FKBP9: variants seen among roughly 807,000 people sequenced by gnomAD.
FKBP9 encodes the protein FKBP prolyl isomerase 9.
A neutral mutation model predicts 55.6 loss-of-function variants in FKBP9; 27 were observed. That is an observed-to-expected ratio of 0.49 (90% CI 0.36 to 0.67). FKBP9 has a LOEUF of 0.67. FKBP9 is among the 30% of genes least tolerant of loss of function. FKBP9 has a pLI of 0.00. For synonymous variants in FKBP9, 267 were observed against 296.5 expected (o/e 0.90, Z 1.02); for missense variants, 539 against 742.8 (o/e 0.73, Z 3.19).
At chr7:32,988,681 A>G (rs1368538111) in intron 6 of FKBP9, 29 bp downstream of exon 6, 3 of 1,610,748 alleles carry the variant, frequency 1.9e-6, no homozygotes, top group Non-Finnish European at 2.5e-6. Flanking sequence ...TGCCTTCCTC[A>G]CTAGCTGTGG....
At chr7:32,958,477 T>G (rs756238479) in intron 1 of FKBP9, among the ~76,000 whole-genome samples, 2 of 152,230 alleles carry the variant, frequency 1.3e-5, no homozygotes, top group Non-Finnish European at 2.9e-5. Context: ...CAACTACCAC[T>G]GCCCTTCCTT....
intron 9 of FKBP9, among the ~76,000 whole-genome samples, chr7:33,004,306 G>A (rs188755632): frequency 7.0e-4 from 107 of 152,174 alleles, no homozygotes; most frequent in Middle Eastern, 6.8e-3. Flanking sequence ...ACCCGCAGAG[G>A]CCCCTGTCTA....
intron 7 of FKBP9, among the ~76,000 whole-genome samples, chr7:32,996,697 T>A (rs1397313538): frequency 7.2e-6 from 1 of 138,838 alleles, no homozygotes; most frequent in East Asian, 2.3e-4. Context: ...CTTTCCTTTC[T>A]TTCTCTTTCT....
chr7:32,992,592 A>T (rs1784707134), intron 6 of FKBP9: 1 of 180,246 alleles, frequency 5.5e-6, no homozygotes, highest in South Asian at 2.0e-4. Flanking sequence ...GTCAGCACTC[A>T]TTTCTATACT....
intron 5 of FKBP9, among the ~76,000 whole-genome samples, chr7:32,985,389 C>A (rs932219602): frequency 6.6e-6 from 1 of 151,500 alleles, no homozygotes; most frequent in Admixed American, 6.6e-5. Context: ...CATGTTGGGC[C>A]GGGCTGGTCA....
In FKBP9 at chr7:32,988,520, C is replaced by T. The variant is rs554473255; in HGVS notation, c.907C>T (p.Arg303Cys). The T allele has an allele frequency of 3.3e-5, 53 of 1,613,854 alleles. No homozygotes were observed. The East Asian group carries it at 6.2e-4, about 19-fold the overall frequency. ...TLFDSSYSRN[R>C]TFDTYIGQGY... ...CTTCTTTTCTAGCTACTCTCGGAAC[C>T]GCACGTTTGACACGTACATTGGGCA... The change falls in exon 6 of 10, where the codon CGC becomes TGC. Residue 303 changes from arginine to cysteine, a missense_variant. Physicochemically the swap from Arg to Cys is radical, Grantham distance 180. This residue lies in a region of FKBP9 where 172 missense variants were observed against 205.3 expected (regional missense o/e 0.84). Coordinates refer to ENST00000242209, the MANE Select transcript of FKBP9 (RefSeq NM_007270.5).
At chr7:32,990,397 T>TA (rs1784657521) in intron 6 of FKBP9, among the ~76,000 whole-genome samples, 2 of 152,206 alleles carry the variant, frequency 1.3e-5, no homozygotes, top group Non-Finnish European at 2.9e-5. Flanking sequence ...AACATATCCC[T>TA]AACAATACCT....
rs528279187 is a variant in FKBP9, at chr7:32,967,386, CCTT to C, written c.222-7226_222-7224del. 3.9e-5 allele frequency among the ~76,000 whole-genome samples: 6 copies of C among 152,332 alleles called. No individual in the cohort carries two copies. In the South Asian group the frequency reaches 1.2e-3, roughly 32 times the overall value. On this transcript the variant is annotated intron_variant, in intron 1 of 9. Transcript: ENST00000242209. ...CACTGAACAACTTCTCTGCATTTTT[CCTT>C]CTTCCTTGTCCGCTGATAACAACAT...
chr7:32,972,717 T>C (rs1284445494), intron 1 of FKBP9, among the ~76,000 whole-genome samples: 4 of 152,064 alleles, frequency 2.6e-5, no homozygotes, highest in African/African-American at 2.4e-5. Context: ...TGTTAACCTG[T>C]TCCCCCCCCA....
rs1237150105 is a variant in FKBP9 at position 33,006,612 on chromosome 7, C to G, written c.*1261C>G. On this transcript the variant is annotated 3_prime_UTR_variant, in exon 10 of 10. Transcript: ENST00000242209. ...TCAACAAGGTGACATTTTTCTGCTGCCCATTTGTGTCCTGGAGACGGTGGT... is the reference window on the plus strand; with the variant it reads ...TCAACAAGGTGACATTTTTCTGCTGGCCATTTGTGTCCTGGAGACGGTGGT... 1.4e-5 allele frequency: 3 copies of G among 211,582 alleles called. No individual in the cohort carries two copies. In the Admixed American group the frequency reaches 1.8e-4, roughly 12 times the overall value. 13.1% of individuals were successfully genotyped at this position (211,582 alleles called of 1,614,324 possible).
chr7:33,003,685 G>T (rs193103452), intron 9 of FKBP9, among the ~76,000 whole-genome samples: 40 of 152,248 alleles, frequency 2.6e-4, no homozygotes, highest in African/African-American at 9.6e-4. Flanking sequence ...CCTACAGGAC[G>T]CATCTTTCTC....
rs4720090 is a variant in FKBP9, at chr7:32,974,314, G to T, written c.222-303G>T. 0.22 allele frequency among the ~76,000 whole-genome samples: 33,318 copies of T among 151,400 alleles called. 3,864 individuals are homozygous for T. Among genetic ancestry groups the T allele is most frequent in the Admixed American group, 0.35 (5,267 of 15,192 alleles). ...GACCACAGCCAACTCTTTCTTTTTTGTGTGTGTGAAAGAATAGGTAACTAT... is the reference window on the plus strand; with the variant it reads ...GACCACAGCCAACTCTTTCTTTTTTTTGTGTGTGAAAGAATAGGTAACTAT... On this transcript the variant is annotated intron_variant, in intron 1 of 9. Coordinates refer to ENST00000242209, the MANE Select transcript of FKBP9 (RefSeq NM_007270.5).
At chr7:32,958,034 T>A (rs115588686) in intron 1 of FKBP9, among the ~76,000 whole-genome samples, 2,767 of 152,198 alleles carry the variant, frequency 0.018, 86 homozygotes, top group African/African-American at 0.063. Flanking sequence ...AGCAGCGGGG[T>A]TGGGGCAGAC....
intron 5 of FKBP9, 152 bp from the exon 6 acceptor site, chr7:32,988,355 T>A: frequency 2.8e-6 from 2 of 704,386 alleles, no homozygotes; most frequent in East Asian, 5.2e-5. Context: ...CAGGGGAGCA[T>A]GTTTCCTGGC....
intron 8 of FKBP9, among the ~76,000 whole-genome samples, 180 bp from the exon 9 acceptor site, chr7:33,002,496 G>C (rs1386307026): frequency 6.6e-6 from 1 of 152,152 alleles, no homozygotes; most frequent in African/African-American, 2.4e-5. Flanking sequence ...AACTGATTTC[G>C]TGAGTCATTA....
At chr7:32,995,975 TA>T (rs1214312317) in intron 6 of FKBP9, among the ~76,000 whole-genome samples, 187 bp from the exon 7 acceptor site, 9 of 152,192 alleles carry the variant, frequency 5.9e-5, no homozygotes, top group African/African-American at 2.2e-4. Flanking sequence ...TATCCACCTG[TA>T]AAATGAGGAT....
Position 32,957,745 on chromosome 7 carries a change from C to G in FKBP9, c.172C>G (p.Arg58Gly). The change falls in exon 1 of 10, where the codon CGC becomes GGC. Residue 58 changes from arginine (R) to glycine (G), a missense_variant. Arg to Gly is a moderately radical substitution (Grantham distance 125). Transcript: ENST00000242209. ...CACCGTGCGCAGCGGCGACTTCGTG[C>G]GCTACCACTACGTGGGGACGTTCCC... Reference protein sequence around the residue: ...PRTVRSGDFVRYHYVGTFPDG... With the variant: ...PRTVRSGDFVGYHYVGTFPDG... 6.6e-7 allele frequency: 1 copy of G among 1,517,930 alleles called. No homozygotes were observed. The highest frequency in any genetic ancestry group is 8.8e-7 in the Non-Finnish European group (1 of 1,136,972). The allele number at this position is 1,517,930 out of a possible 1,614,324, so 94.0% of individuals were successfully genotyped here. A position where few individuals can be genotyped will look rare whatever the true frequency, so the allele number is the denominator to read the frequency against.
At position 32,988,618 on chromosome 7, in the gene FKBP9, C is replaced by T; in HGVS notation, c.1005C>T (p.Val335=). The part of the protein sequence containing the change: ...VCIGEKRRIV[V]PPHLGYGEEG... ...TTGGAGAAAAGCGAAGGATTGTGGT[C>T]CCGCCTCACCTGGGGTATGGAGAGG... Residue 335 remains valine (V), a synonymous_variant, in exon 6 of 10, where the codon GTC becomes GTT. Coordinates refer to ENST00000242209, the MANE Select transcript of FKBP9 (RefSeq NM_007270.5). The T allele has an allele frequency of 6.2e-7, 1 of 1,613,944 alleles. No homozygotes were observed. The highest frequency in any genetic ancestry group is 1.3e-5 in the African/African-American group (1 of 75,038).
At chr7:32,959,767 G>A (rs569196929) in intron 1 of FKBP9, among the ~76,000 whole-genome samples, 3 of 152,064 alleles carry the variant, frequency 2.0e-5, no homozygotes, top group Non-Finnish European at 4.4e-5. Flanking sequence ...GTTCATTTAC[G>A]GTGTAAGGTA....
Sources: gnomAD v4.1 joint callset for allele counts (sites outside exome capture counted in the v4.1 genomes callset) on GRCh38, gnomAD v4.1.1 for gene constraint, gnomAD v4.1.1 regional missense constraint, MANE v1.5 for transcripts, NCBI Gene and HGNC (gene_info 2026-07-23, HGNC 2026-07-21) for gene names.